PARD3: variants seen among roughly 807,000 people sequenced by gnomAD.
PARD3 encodes partitioning defective 3 homolog.
Under a neutral mutation model 155.4 loss-of-function variants are expected in PARD3, and 75 were observed. The observed-to-expected ratio is 0.48, with a 90% CI of 0.40 to 0.58. The LOEUF is 0.58. Ranked by LOEUF, PARD3 falls within the 20% of genes least tolerant of loss-of-function variation. The probability of loss-of-function intolerance (pLI) is 0.00; values close to 1 mark genes in which losing one functional copy is unlikely to be tolerated. For synonymous variants in PARD3, 576 were observed against 610.5 expected (o/e 0.94, Z 0.83); for missense variants, 1,642 against 1,721.7 (o/e 0.95, Z 0.82).
At chr10:34,408,216 C>CA (rs150007962) in intron 5 of PARD3, among the ~76,000 whole-genome samples, 23,772 of 137,746 alleles carry the variant, frequency 0.17, 1,982 homozygotes, top group African/African-American at 0.21. Flanking sequence ...TTAGAAAGCA[C>CA]AAAAAAAAAA....
chr10:34,636,435 C>G (rs1310178506), intron 2 of PARD3, among the ~76,000 whole-genome samples: 2 of 152,240 alleles, frequency 1.3e-5, no homozygotes, highest in Non-Finnish European at 2.9e-5. Flanking sequence ...TGGGTGCCCC[C>G]TGTCCAGTCC....
chr10:34,356,503 G>T (rs188625812), intron 14 of PARD3, among the ~76,000 whole-genome samples: 1 of 152,180 alleles, frequency 6.6e-6, no homozygotes, highest in Non-Finnish European at 1.5e-5. Context: ...AATTAAATAT[G>T]CAAACCTTGG....
At chr10:34,678,988 G>T (rs886385743) in intron 2 of PARD3, among the ~76,000 whole-genome samples, 1 of 151,902 alleles carries the variant, frequency 6.6e-6, no homozygotes, top group Admixed American at 6.6e-5. Flanking sequence ...TTTCCCCTTC[G>T]CTCTGTCTGC....
Position 34,517,047 on chromosome 10 carries a change from T to C in PARD3, c.335A>G (p.Asn112Ser), listed in dbSNP as rs748319403. Residue 112 changes from asparagine (N) to serine (S), a missense_variant, in exon 3 of 25, where the codon AAT (asparagine) becomes AGT (serine). By Grantham distance (46) the Asn-to-Ser change is conservative. This residue lies in a region of PARD3 where 1,529 missense variants were observed against 1,587.3 expected (regional missense o/e 0.96). Coordinates refer to ENST00000374788, the MANE Select transcript of PARD3 (RefSeq NM_001184785.2). The part of the protein sequence containing the change: ...EIFGSELGTN[N>S]VSAFQPYQAT... Reference sequence around the variant, plus strand: ...TTGGTAAGGCTGAAAGGCTGAGACATTGTTGGTGCCAAGCTCACTACCAAA... The same window carrying C: ...TTGGTAAGGCTGAAAGGCTGAGACACTGTTGGTGCCAAGCTCACTACCAAA... 1.6e-5 allele frequency: 26 copies of C among 1,614,048 alleles called. No homozygotes were observed. The highest frequency in any genetic ancestry group is 3.3e-5 in the Admixed American group (2 of 60,000).
At chr10:34,316,491 T>C (rs924015704) in intron 20 of PARD3, among the ~76,000 whole-genome samples, 1 of 152,198 alleles carries the variant, frequency 6.6e-6, no homozygotes, top group African/African-American at 2.4e-5. Context: ...AAGTAATAAG[T>C]ACTAAATTAA....
In PARD3 at chr10:34,468,685, C is replaced by CA. The variant is rs201349315; in HGVS notation, c.582+1399dup. On this transcript the variant is annotated intron_variant, in intron 4 of 24. Transcript: ENST00000374788. ...AAGCCTAACAGTTAAGTTCATAATT[C>CA]AAAAAAAAACCAGAAACTAAATATA... Among the ~76,000 whole-genome samples the CA allele has an allele frequency of 8.5e-3, 1,277 of 150,382 alleles. 21 individuals carry two copies. The highest frequency in any genetic ancestry group is 0.028 in the African/African-American group (1,162 of 41,084).
At chr10:34,301,875 C>T (rs1487422952) in intron 20 of PARD3, among the ~76,000 whole-genome samples, 1 of 142,450 alleles carries the variant, frequency 7.0e-6, no homozygotes, top group Non-Finnish European at 1.5e-5. Flanking sequence ...CTAGAGTCTA[C>T]CTGAGAAATA....
chr10:34,169,671 T>C (rs1264809973), intron 22 of PARD3, among the ~76,000 whole-genome samples: 1 of 152,132 alleles, frequency 6.6e-6, no homozygotes, highest in Non-Finnish European at 1.5e-5. Context: ...ACGATGAAGA[T>C]GTCATCTGTG....
intron 7 of PARD3, among the ~76,000 whole-genome samples, chr10:34,389,175 T>A (rs1297204220): frequency 4.1e-5 from 6 of 145,332 alleles, no homozygotes; most frequent in African/African-American, 1.6e-4. Flanking sequence ...TGAATAATTT[T>A]CCTAATACAA....
chr10:34,587,830 G>T (rs11009825), intron 2 of PARD3, among the ~76,000 whole-genome samples: 2 of 152,156 alleles, frequency 1.3e-5, no homozygotes, highest in Non-Finnish European at 2.9e-5. Flanking sequence ...AATCATTGCG[G>T]ATAAGTGCCC....
chr10:34,799,719 G>C (rs1289923560), intron 1 of PARD3, among the ~76,000 whole-genome samples: 1 of 152,104 alleles, frequency 6.6e-6, no homozygotes, highest in African/African-American at 2.4e-5. Flanking sequence ...GGCTGGGTAC[G>C]GTGGCTGACA....
chr10:34,711,805 G>A (rs923641351), intron 1 of PARD3, among the ~76,000 whole-genome samples: 2 of 152,068 alleles, frequency 1.3e-5, no homozygotes, highest in African/African-American at 2.4e-5. Context: ...AAAGAAATGC[G>A]TGGACATGCC....
At position 34,378,038 on chromosome 10, in the gene PARD3, C is replaced by A; in HGVS notation, c.1468G>T (p.Val490Leu). Residue 490 changes from valine (V) to leucine (L), a missense_variant, in exon 10 of 25, where the codon GTG becomes TTG. Around this residue, in one of 3 missense-constraint regions of PARD3, gnomAD observed 1,529 missense variants for 1,587.3 expected, o/e 0.96. Coordinates refer to ENST00000374788, the MANE Select transcript of PARD3 (RefSeq NM_001184785.2). ...VTIGGSAPIY[V>L]KNILPRGAAI... ...GCCCCCCGGGGGAGAATGTTTTTCA[C>A]ATAGATTGGAGCTGAGCCACCTATT... 1 of 1,594,912 alleles carries A rather than the reference C, an allele frequency of 6.3e-7. No homozygotes were observed. The highest frequency in any genetic ancestry group is 8.5e-7 in the Non-Finnish European group (1 of 1,172,292).
At chr10:34,439,346 T>C (rs1461025540) in intron 5 of PARD3, among the ~76,000 whole-genome samples, 2 of 151,222 alleles carry the variant, frequency 1.3e-5, no homozygotes, top group East Asian at 3.9e-4. Context: ...CCAACACATA[T>C]CAAGACTGCA....
Position 34,696,413 on chromosome 10 carries a change from T to G in PARD3, c.127A>C (p.Asn43His). The change falls in exon 2 of 25, where the codon AAC becomes CAC. Residue 43 changes from asparagine to histidine, a missense_variant. Asn to His is a moderately conservative substitution (Grantham distance 68). Transcript: ENST00000374788. The stretch of plus-strand genomic sequence containing the variant: ...AAGCGATGCACCTGTATCCAGTAGT[T>G]TGGATCCTATACGAAAGAACAGAAA... ...RYRKAIAKDP[N>H]YWIQVHRLEH... 1 of 1,592,890 alleles carries G rather than the reference T, an allele frequency of 6.3e-7. No homozygotes were observed. Among genetic ancestry groups the G allele is most frequent in the Non-Finnish European group, 8.6e-7 (1 of 1,160,828 alleles).
At chr10:34,634,142 C>T (rs969321299) in intron 2 of PARD3, among the ~76,000 whole-genome samples, 1 of 152,092 alleles carries the variant, frequency 6.6e-6, no homozygotes, top group Non-Finnish European at 1.5e-5. Context: ...TGGAAGAGCA[C>T]TATTTGGGGA....
Position 34,706,048 on chromosome 10 carries a change from A to C in PARD3, c.121-9629T>G, listed in dbSNP as rs183936780. Among the ~76,000 whole-genome samples, 6 of 152,148 alleles carry C rather than the reference A, an allele frequency of 3.9e-5. No homozygotes were observed. The East Asian group carries it at 1.2e-3, about 29-fold the overall frequency. ...GTCATGGAAGTCCTTCAACTCCTCC[A>C]CCATTCTACAGAAATGAAGGGAATG... is the stretch of plus-strand genomic sequence containing the variant. On this transcript the variant is annotated intron_variant, in intron 1 of 24. Transcript: ENST00000374788.
intron 1 of PARD3, among the ~76,000 whole-genome samples, chr10:34,796,401 G>A (rs772233874): frequency 6.6e-6 from 1 of 152,158 alleles, no homozygotes; most frequent in Non-Finnish European, 1.5e-5. Flanking sequence ...GTTTATTTAA[G>A]CCATTAAGTT....
chr10:34,212,612 G>T (rs781636074), intron 22 of PARD3, among the ~76,000 whole-genome samples: 38 of 151,938 alleles, frequency 2.5e-4, no homozygotes, highest in Non-Finnish European at 3.1e-4. Flanking sequence ...TACCTGGTGC[G>T]CCCTACAGCC....
Sources: allele counts gnomAD v4.1 joint callset (sites outside exome capture counted in the v4.1 genomes callset), GRCh38; gene constraint gnomAD v4.1.1; regional missense constraint gnomAD v4.1.1; transcripts MANE v1.5; gene names NCBI Gene and HGNC (gene_info 2026-07-23, HGNC 2026-07-21).